The following TAMM41 variants were observed in gnomAD, a reference collection of about 807,000 sequenced individuals.
The protein encoded by TAMM41 is phosphatidate cytidylyltransferase, mitochondrial.
In TAMM41, 36 loss-of-function variants were observed where a neutral mutation model predicts 44.1. The ratio of observed to expected loss-of-function variants is 0.82; its 90% CI spans 0.63 to 1.08. The LOEUF (loss-of-function observed/expected upper bound fraction) is 1.08, where lower values mean the gene tolerates loss of function less well. Ranked by LOEUF, TAMM41 falls within the 50% of genes least tolerant of loss-of-function variation. The pLI is 0.00. For synonymous variants in TAMM41, 164 were observed against 153.1 expected, an observed-to-expected ratio of 1.07 and a Z score of -0.53; for missense variants, 417 against 404.3, an observed-to-expected ratio of 1.03 and a Z score of -0.27.
At chr3:11,724,334 C>T in the TAMM41 span, among the ~76,000 whole-genome samples, 2 of 152,022 alleles carry the variant, frequency 1.3e-5, no homozygotes, top group African/African-American at 4.8e-5. Context: ...AACTCCTGAC[C>T]TCAGGTGATC....
chr3:11,831,300 A>G (rs2125035901), intron 3 of TAMM41, among the ~76,000 whole-genome samples: 1 of 152,316 alleles, frequency 6.6e-6, no homozygotes, highest in African/African-American at 2.4e-5. Flanking sequence ...GTTCTTAAGC[A>G]ATGCCCAGGG....
At chr3:11,791,406 T>C (rs1311260264) in intron 7 of TAMM41, among the ~76,000 whole-genome samples, 1 of 152,070 alleles carries the variant, frequency 6.6e-6, no homozygotes, top group Non-Finnish European at 1.5e-5. Context: ...ATAAAATAAA[T>C]GGGTGTTATT....
the TAMM41 span, among the ~76,000 whole-genome samples, chr3:11,738,343 C>G: frequency 0.067 from 10,119 of 152,164 alleles, 1,131 homozygotes; most frequent in African/African-American, 0.23. Context: ...TATCTCTGAG[C>G]CTTAATTTTC....
intron 7 of TAMM41, among the ~76,000 whole-genome samples, chr3:11,800,363 A>C (rs938527040): frequency 2.0e-5 from 3 of 152,166 alleles, no homozygotes; most frequent in Admixed American, 6.5e-5. Context: ...TAAAAGATAC[A>C]GACTGGCAGA....
At chr3:11,799,867 G>C (rs1240748932) in intron 7 of TAMM41, among the ~76,000 whole-genome samples, 2 of 152,094 alleles carry the variant, frequency 1.3e-5, no homozygotes, top group East Asian at 3.9e-4. Flanking sequence ...CACCCATAAA[G>C]GAAACCTCAT....
chr3:11,828,011 T>C (rs369411791), intron 4 of TAMM41, among the ~76,000 whole-genome samples: 16 of 152,240 alleles, frequency 1.1e-4, no homozygotes, highest in African/African-American at 3.9e-4. Context: ...AGATGGACAA[T>C]GCAAAGTTAT....
chr3:11,838,624 G>A (rs1381468534), intron 3 of TAMM41, among the ~76,000 whole-genome samples: 1 of 152,172 alleles, frequency 6.6e-6, no homozygotes, highest in African/African-American at 2.4e-5. Context: ...GAAGGGTGTG[G>A]AGCGCCACGA....
the TAMM41 span, among the ~76,000 whole-genome samples, chr3:11,731,154 G>T: frequency 6.6e-6 from 1 of 152,190 alleles, no homozygotes; most frequent in Non-Finnish European, 1.5e-5. Context: ...GGCTATGTCT[G>T]TATTTAGGGC....
chr3:11,790,658 G>T, intron 7 of TAMM41, 77 bp from the exon 8 acceptor site: 1 of 1,331,452 alleles, frequency 7.5e-7, no homozygotes. Flanking sequence ...GACATTCTGA[G>T]CAGACTTGTC....
At chr3:11,754,546 T>G in the TAMM41 span, among the ~76,000 whole-genome samples, 1 of 151,666 alleles carries the variant, frequency 6.6e-6, no homozygotes, top group African/African-American at 2.4e-5. Flanking sequence ...TAAAAAAATT[T>G]TTTATAGAGA....
At chr3:11,824,443 C>T (rs2078659148) in intron 4 of TAMM41, among the ~76,000 whole-genome samples, 1 of 149,742 alleles carries the variant, frequency 6.7e-6, no homozygotes, top group Non-Finnish European at 1.5e-5. Flanking sequence ...TCACTGCAAC[C>T]TTCGCCCGCC....
At chr3:11,729,538 C>CTTTTTTTTTTTTTTTTTTTT in the TAMM41 span, among the ~76,000 whole-genome samples, 10 of 65,524 alleles carry the variant, frequency 1.5e-4, 2 homozygotes, top group African/African-American at 5.2e-4. Context: ...TTCTTTCTTT[C>CTTTTTTTTTTTTTTTTTTTT]ATTTTTTTTT....
downstream of TAMM41, among the ~76,000 whole-genome samples, chr3:11,787,714 G>T (rs1559260017): frequency 6.6e-6 from 1 of 152,024 alleles, no homozygotes; most frequent in Non-Finnish European, 1.5e-5. Flanking sequence ...CTGACAGATG[G>T]GTATAAGAAT....
intron 7 of TAMM41, among the ~76,000 whole-genome samples, chr3:11,803,714 A>T (rs2133132): frequency 0.12 from 17,777 of 152,178 alleles, 2,252 homozygotes; most frequent in East Asian, 0.48. Flanking sequence ...AAATGTGTAT[A>T]TATCTACATC....
the TAMM41 span, among the ~76,000 whole-genome samples, chr3:11,759,922 CGAGATCGCG>C: frequency 6.6e-6 from 1 of 151,746 alleles, no homozygotes; most frequent in Non-Finnish European, 1.5e-5. Context: ...TGCAGTGAGC[CGAGATCGCG>C]CCATTGCACT....
the TAMM41 span, among the ~76,000 whole-genome samples, chr3:11,754,545 T>TAAA: frequency 1.4e-4 from 14 of 103,190 alleles, no homozygotes; most frequent in African/African-American, 3.6e-4. Flanking sequence ...TTAAAAAAAT[T>TAAA]TTTTATAGAG....
chr3:11,793,580 A>T (rs1042975994), intron 7 of TAMM41, among the ~76,000 whole-genome samples: 31 of 152,350 alleles, frequency 2.0e-4, no homozygotes, highest in African/African-American at 7.5e-4. Context: ...CCCAAGCGGG[A>T]ACAACCCAAG....
chr3:11,746,304 A>ATC, the TAMM41 span, among the ~76,000 whole-genome samples: 2 of 132,298 alleles, frequency 1.5e-5, no homozygotes, highest in African/African-American at 6.3e-5. Flanking sequence ...ACTCTCTCAA[A>ATC]AAAAAAAAAA....
intron 7 of TAMM41, among the ~76,000 whole-genome samples, chr3:11,797,827 T>C (rs137867761): frequency 1.2e-4 from 18 of 152,094 alleles, no homozygotes; most frequent in Non-Finnish European, 2.1e-4. Context: ...CATTACAAAG[T>C]GGGCAAAGGA....
Sources: gnomAD v4.1 joint callset for allele counts (sites outside exome capture counted in the v4.1 genomes callset) on GRCh38, gnomAD v4.1.1 for gene constraint, MANE v1.5 for transcripts, NCBI Gene and HGNC (gene_info 2026-07-23, HGNC 2026-07-21) for gene names.